Variants in CNTN6 observed in about 807,000 individuals in gnomAD.
CNTN6 encodes the protein contactin 6, also known as contactin-6.
Under a neutral mutation model 122.8 loss-of-function variants are expected in CNTN6, and 137 were observed. The observed-to-expected ratio is 1.12, with a 90% CI of 0.97 to 1.29. The LOEUF (loss-of-function observed/expected upper bound fraction) is 1.29. Ranked by LOEUF, CNTN6 falls within the 50% of genes most tolerant of loss-of-function variation. The pLI, the probability that CNTN6 is intolerant of heterozygous loss-of-function variation, is 0.00. For missense variants in CNTN6, 1,634 were observed against 1,223.4 expected (o/e 1.34, Z -5.01); for synonymous variants, 570 against 426.0 (o/e 1.34, Z -4.16).
intron 2 of CNTN6, among the ~76,000 whole-genome samples, chr3:1,163,959 CAA>C (rs1243664944): frequency 6.6e-6 from 1 of 152,172 alleles, no homozygotes; most frequent in East Asian, 1.9e-4. Flanking sequence ...CAGGAAACAA[CAA>C]GTTTCACTAG....
intron 1 of CNTN6, among the ~76,000 whole-genome samples, chr3:1,098,480 A>T (rs1166166493): frequency 2.0e-5 from 3 of 151,762 alleles, no homozygotes; most frequent in African/African-American, 7.2e-5. Context: ...ATTTGAAATT[A>T]TAGAGAAAAC....
chr3:1,181,967 T>C (rs2093561255), intron 2 of CNTN6, among the ~76,000 whole-genome samples: 1 of 152,114 alleles, frequency 6.6e-6, no homozygotes, highest in African/African-American at 2.4e-5. Context: ...GCCAAACCCC[T>C]ATCCTCATAC....
At chr3:1,262,731 A>G (rs949015813) in intron 4 of CNTN6, among the ~76,000 whole-genome samples, 1 of 152,124 alleles carries the variant, frequency 6.6e-6, no homozygotes, top group Non-Finnish European at 1.5e-5. Context: ...ATTAGTAACC[A>G]GTTCAGTGAC....
At chr3:1,230,006 G>T (rs2125560635) in intron 4 of CNTN6, among the ~76,000 whole-genome samples, 1 of 152,216 alleles carries the variant, frequency 6.6e-6, no homozygotes, top group African/African-American at 2.4e-5. Context: ...TGTATCCGGG[G>T]AGACATGTGC....
intron 1 of CNTN6, among the ~76,000 whole-genome samples, chr3:1,138,985 T>C (rs928952673): frequency 6.6e-5 from 10 of 152,164 alleles, no homozygotes; most frequent in African/African-American, 2.2e-4. Context: ...TTCAGTAGGA[T>C]TGGGCTGAGA....
chr3:1,308,094 T>G lies in CNTN6; in HGVS notation c.761+10103T>G, dbSNP rs184528276. The stretch of plus-strand genomic sequence containing the variant: ...TTCTACCTGTGAAATGTGTCACTTC[T>G]TCCTCATTTATTAATATTTAATAAT... On this transcript the variant is annotated intron_variant, in intron 7 of 22. Coordinates refer to ENST00000446702, the MANE Select transcript of CNTN6 (RefSeq NM_001289080.2). Among the ~76,000 whole-genome samples, 40 of 152,286 alleles carry G rather than the reference T, an allele frequency of 2.6e-4. No individual in the cohort carries two copies. The East Asian group carries it at 5.0e-3, about 19-fold the overall frequency.
chr3:1,183,984 C>T (rs2093595876), intron 2 of CNTN6, among the ~76,000 whole-genome samples: 1 of 152,170 alleles, frequency 6.6e-6, no homozygotes, highest in Non-Finnish European at 1.5e-5. Flanking sequence ...TGGCTAGCGG[C>T]TGAAGGCCAT....
At chr3:1,176,810 G>T (rs931312939) in intron 2 of CNTN6, among the ~76,000 whole-genome samples, 3 of 152,090 alleles carry the variant, frequency 2.0e-5, no homozygotes, top group African/African-American at 7.2e-5. Context: ...GTTTTAAAAT[G>T]TTTATGCTAA....
At chr3:1,288,209 C>G (rs980201173) in intron 5 of CNTN6, among the ~76,000 whole-genome samples, 3 of 152,018 alleles carry the variant, frequency 2.0e-5, no homozygotes, top group Non-Finnish European at 4.4e-5. Flanking sequence ...ATTCATAGGC[C>G]GTAAAGAACC....
chr3:1,236,991 G>C (rs1461809202), intron 4 of CNTN6, among the ~76,000 whole-genome samples: 1 of 151,922 alleles, frequency 6.6e-6, no homozygotes, highest in Admixed American at 6.6e-5. Context: ...TGAGGTAGGA[G>C]AATGGCGTGA....
chr3:1,172,809 A>T (rs1460949132), intron 2 of CNTN6, among the ~76,000 whole-genome samples: 1 of 152,234 alleles, frequency 6.6e-6, no homozygotes, highest in African/African-American at 2.4e-5. Context: ...GGTTCTATCT[A>T]TAGCCCTGTC....
At chr3:1,227,790 A>G in intron 3 of CNTN6, 28 bp from the exon 4 acceptor site, 6 of 1,607,698 alleles carry the variant, frequency 3.7e-6, no homozygotes, top group Non-Finnish European at 5.1e-6. Flanking sequence ...TGTATATTAT[A>G]AGCACTTTAT....
chr3:1,181,986 C>A (rs2093561687), intron 2 of CNTN6, among the ~76,000 whole-genome samples: 1 of 152,124 alleles, frequency 6.6e-6, no homozygotes, highest in African/African-American at 2.4e-5. Flanking sequence ...ACACTCATCA[C>A]AGAACATCTC....
intron 1 of CNTN6, among the ~76,000 whole-genome samples, chr3:1,136,833 A>G (rs1473879023): frequency 6.6e-6 from 1 of 152,112 alleles, no homozygotes. Context: ...GCCACTTATC[A>G]TCTGTGTGCA....
chr3:1,212,265 T>G (rs1361976595), intron 2 of CNTN6, among the ~76,000 whole-genome samples: 1 of 150,496 alleles, frequency 6.6e-6, no homozygotes, highest in Non-Finnish European at 1.5e-5. Context: ...TTTTTTTTTT[T>G]TTTTTGAGAT....
intron 9 of CNTN6, 94 bp from the exon 10 acceptor site, chr3:1,327,363 A>T: frequency 7.7e-7 from 1 of 1,306,638 alleles, no homozygotes. Context: ...ATCAGATCTC[A>T]TAGATATACA....
chr3:1,326,288 T>C (rs1217827059), intron 9 of CNTN6, among the ~76,000 whole-genome samples: 1 of 151,852 alleles, frequency 6.6e-6, no homozygotes, highest in African/African-American at 2.4e-5. Flanking sequence ...CTGTGTTAAA[T>C]ATTTTTCCGT....
At chr3:1,330,782 T>TA (rs1702181109) in intron 11 of CNTN6, among the ~76,000 whole-genome samples, 1 of 151,832 alleles carries the variant, frequency 6.6e-6, no homozygotes, top group Non-Finnish European at 1.5e-5. Context: ...AAAGGACAAC[T>TA]AAAGTGTGTT....
At chr3:1,370,819 G>T (rs573133401) in intron 12 of CNTN6, among the ~76,000 whole-genome samples, 4 of 152,082 alleles carry the variant, frequency 2.6e-5, no homozygotes, top group Non-Finnish European at 4.4e-5. Context: ...CTGCACTCTA[G>T]CCTGGGTGAC....
Sources: gnomAD v4.1 joint callset for allele counts (sites outside exome capture counted in the v4.1 genomes callset) on GRCh38, gnomAD v4.1.1 for gene constraint, MANE v1.5 for transcripts, NCBI Gene and HGNC (gene_info 2026-07-23, HGNC 2026-07-21) for gene names.